DMD: variants seen among roughly 807,000 people sequenced by gnomAD.
DMD encodes the protein dystrophin.
In DMD, 63 loss-of-function variants were observed where a neutral mutation model predicts 330.1. That is an observed-to-expected ratio of 0.19 (90% CI 0.16 to 0.24). The LOEUF (loss-of-function observed/expected upper bound fraction) is 0.24. DMD is among the 10% of genes least tolerant of loss of function. The pLI is 1.00. For missense variants in DMD, 3,344 were observed against 2,684.1 expected (o/e 1.25, Z -5.43); for synonymous variants, 1,223 against 959.8 (o/e 1.27, Z -5.07).
chrX:32,279,919 A>G (rs768871575), intron 43 of DMD, among the ~76,000 whole-genome samples: 40 of 79,884 alleles, frequency 5.0e-4, no homozygotes, highest in Middle Eastern at 6.8e-3. Flanking sequence ...CATGTACCCC[A>G]TATATATATA....
intron 7 of DMD, among the ~76,000 whole-genome samples, chrX:32,783,955 G>A (rs1282670092): frequency 5.8e-5 from 6 of 103,691 alleles, no homozygotes; most frequent in Non-Finnish European, 9.9e-5. Context: ...GAGATTTCCC[G>A]ATCCAAGCTA....
At chrX:33,003,695 TAA>T (rs2093337459) in intron 2 of DMD, among the ~76,000 whole-genome samples, 1 of 105,509 alleles carries the variant, frequency 9.5e-6, no homozygotes, top group Non-Finnish European at 2.0e-5. Context: ...ATGTCTTATA[TAA>T]ATAGTCTCTG....
intron 60 of DMD, among the ~76,000 whole-genome samples, chrX:31,351,934 T>TA (rs371916487): frequency 0.078 from 8,013 of 102,646 alleles, 279 homozygotes; most frequent in Non-Finnish European, 0.1. Context: ...CATGAGAGGT[T>TA]AAAAAAAAAA....
At chrX:33,027,411 A>C (rs1236304785) in intron 1 of DMD, among the ~76,000 whole-genome samples, 3 of 112,586 alleles carry the variant, frequency 2.7e-5, no homozygotes, top group Non-Finnish European at 3.7e-5. Flanking sequence ...TGGCATCATG[A>C]TTTGAGTCCA....
At chrX:32,802,097 G>T (rs914398374) in intron 7 of DMD, among the ~76,000 whole-genome samples, 1 of 111,587 alleles carries the variant, frequency 9.0e-6, no homozygotes, top group Non-Finnish European at 1.9e-5. Context: ...AATTACTTCG[G>T]GCAGTATGGC....
chrX:33,278,759 C>T (rs997946057), intron 1 of DMD, among the ~76,000 whole-genome samples: 5 of 111,472 alleles, frequency 4.5e-5, no homozygotes, highest in African/African-American at 1.3e-4. Context: ...AATCTCCAAA[C>T]TGCTTTTCAC....
chrX:31,668,156 C>A (rs2081534162), intron 53 of DMD, among the ~76,000 whole-genome samples: 2 of 111,721 alleles, frequency 1.8e-5, no homozygotes, highest in South Asian at 7.2e-4. Flanking sequence ...TTTATATATT[C>A]TTGATACAAG....
chrX:32,334,045 G>A lies in DMD; in HGVS notation c.5922+8055C>T, dbSNP rs181980302. ...GTCATCTTTCTGGAAGCTGATACTC[G>A]CTGAACATGCCTCTACTTAACCATT... On this transcript the variant is annotated intron_variant, in intron 41 of 78. Transcript: ENST00000357033. Among the ~76,000 whole-genome samples the A allele has an allele frequency of 1.3e-4, 14 of 111,467 alleles. No individual in the cohort carries two copies. The East Asian group carries it at 1.7e-3, about 13-fold the overall frequency.
chrX:32,200,542 C>T (rs2097030483), intron 44 of DMD, among the ~76,000 whole-genome samples: 3 of 111,027 alleles, frequency 2.7e-5, no homozygotes, highest in African/African-American at 9.9e-5. Flanking sequence ...TTACATGTCA[C>T]ATGTAACAAT....
chrX:32,635,082 G>T (rs1177677836), intron 11 of DMD, among the ~76,000 whole-genome samples: 2 of 111,744 alleles, frequency 1.8e-5, no homozygotes, highest in African/African-American at 6.5e-5. Context: ...TGCGGGATTT[G>T]GCTGAGTTCT....
intron 53 of DMD, among the ~76,000 whole-genome samples, chrX:31,667,528 G>A (rs188312115): frequency 9.1e-6 from 1 of 110,157 alleles, no homozygotes. Flanking sequence ...AGGGGGAAAG[G>A]GGGGGATGGC....
intron 67 of DMD, among the ~76,000 whole-genome samples, chrX:31,190,959 A>G (rs1403272552): frequency 9.0e-6 from 1 of 111,493 alleles, no homozygotes; most frequent in Non-Finnish European, 1.9e-5. Context: ...GAAATGCCAC[A>G]CTCGTTCATA....
chrX:32,857,007 G>T (rs1319735476), intron 2 of DMD, among the ~76,000 whole-genome samples: 9 of 109,276 alleles, frequency 8.2e-5, no homozygotes, highest in Non-Finnish European at 1.1e-4. Context: ...CCCGGGAGGC[G>T]GAGCTTGCAA....
intron 1 of DMD, among the ~76,000 whole-genome samples, chrX:33,316,681 G>C (rs2053936481): frequency 9.0e-6 from 1 of 111,104 alleles, no homozygotes; most frequent in East Asian, 2.8e-4. Flanking sequence ...ATTGCTCCAT[G>C]TTTCTGTCTC....
intron 60 of DMD, among the ~76,000 whole-genome samples, chrX:31,350,591 ACG>A (rs1491447259): frequency 2.4e-5 from 2 of 82,460 alleles, no homozygotes; most frequent in African/African-American, 9.2e-5. Context: ...TAAATGTGGT[ACG>A]TGTGTGTGTG....
At chrX:32,871,547 T>C (rs969457525) in intron 2 of DMD, among the ~76,000 whole-genome samples, 14 of 111,540 alleles carry the variant, frequency 1.3e-4, no homozygotes, top group African/African-American at 4.6e-4. Context: ...AATCTATTGA[T>C]AAGATTAGAG....
At chrX:32,356,446 T>G (rs1419350456) in intron 37 of DMD, among the ~76,000 whole-genome samples, 1 of 97,800 alleles carries the variant, frequency 1.0e-5, no homozygotes, top group African/African-American at 3.9e-5. Flanking sequence ...AAACAATGAA[T>G]ATTTAAGTAT....
At chrX:31,959,678 A>G (rs1187691065) in intron 45 of DMD, among the ~76,000 whole-genome samples, 2 of 110,424 alleles carry the variant, frequency 1.8e-5, no homozygotes, top group Non-Finnish European at 3.8e-5. Context: ...AAATAATCTC[A>G]ATGCAAAATA....
At chrX:31,863,420 T>C in intron 48 of DMD, among the ~76,000 whole-genome samples, 1 of 112,403 alleles carries the variant, frequency 8.9e-6, no homozygotes, top group Non-Finnish European at 1.9e-5. Context: ...TTGCCCACTT[T>C]TTGGTTAATG....
Sources: gnomAD v4.1 joint callset for allele counts (sites outside exome capture counted in the v4.1 genomes callset) on GRCh38, gnomAD v4.1.1 for gene constraint, MANE v1.5 for transcripts, NCBI Gene and HGNC (gene_info 2026-07-23, HGNC 2026-07-21) for gene names.